The following OSBPL10 variants were observed in gnomAD, a reference collection of about 807,000 sequenced individuals.
OSBPL10 encodes the protein oxysterol-binding protein-related protein 10.
Under a neutral mutation model 81.7 loss-of-function variants are expected in OSBPL10, and 49 were observed. The observed-to-expected ratio is 0.60, with a 90% CI of 0.48 to 0.76. The LOEUF is 0.76. Among genes scored for constraint, OSBPL10 ranks in the 30% least tolerant of loss-of-function variants. The probability of loss-of-function intolerance (pLI) is 0.00; values close to 1 mark genes in which losing one functional copy is unlikely to be tolerated. For synonymous variants in OSBPL10, 419 were observed against 383.6 expected (o/e 1.09, Z -1.08); for missense variants, 923 against 987.8 (o/e 0.93, Z 0.88).
chr3:32,041,112 T>C (rs991778779), intron 2 of OSBPL10, among the ~76,000 whole-genome samples: 1 of 152,118 alleles, frequency 6.6e-6, no homozygotes, highest in Non-Finnish European at 1.5e-5. Context: ...CGGAGCCAGC[T>C]TCCTCCGTGC....
At chr3:31,997,696 G>A (rs1699103894) in intron 2 of OSBPL10, among the ~76,000 whole-genome samples, 1 of 152,038 alleles carries the variant, frequency 6.6e-6, no homozygotes, top group African/African-American at 2.4e-5. Flanking sequence ...GCGAACATCT[G>A]GAGATGGGAG....
chr3:31,939,635 C>A (rs1697481532), intron 1 of OSBPL10, among the ~76,000 whole-genome samples: 1 of 152,088 alleles, frequency 6.6e-6, no homozygotes, highest in Non-Finnish European at 1.5e-5. Flanking sequence ...CCAGCATGGC[C>A]ATAGTGACCA....
intron 1 of OSBPL10, among the ~76,000 whole-genome samples, chr3:31,965,833 T>A (rs1698371451): frequency 1.2e-5 from 1 of 84,230 alleles, no homozygotes; most frequent in Non-Finnish European, 1.9e-5. Flanking sequence ...TATAAATATA[T>A]AATATATATT....
chr3:32,025,024 G>T (rs956980652), intron 2 of OSBPL10, among the ~76,000 whole-genome samples: 1 of 152,124 alleles, frequency 6.6e-6, no homozygotes, highest in Non-Finnish European at 1.5e-5. Flanking sequence ...AGAACCTCCA[G>T]TATATAGCTG....
At chr3:31,747,334 A>G (rs1697556801) in intron 5 of OSBPL10, among the ~76,000 whole-genome samples, 1 of 152,078 alleles carries the variant, frequency 6.6e-6, no homozygotes, top group African/African-American at 2.4e-5. Context: ...AAAAAGTGGG[A>G]GAATTGGCAA....
chr3:31,773,468 G>A (rs1698441266), intron 4 of OSBPL10, among the ~76,000 whole-genome samples: 2 of 152,172 alleles, frequency 1.3e-5, no homozygotes, highest in African/African-American at 4.8e-5. Flanking sequence ...GTTAATAAAT[G>A]TGAATCACTT....
At chr3:32,075,536 CA>C (rs1161966094) in intron 1 of OSBPL10, among the ~76,000 whole-genome samples, 1 of 152,152 alleles carries the variant, frequency 6.6e-6, no homozygotes, top group Non-Finnish European at 1.5e-5. Flanking sequence ...AGGCCATCAC[CA>C]ATAATTCTAT....
intron 4 of OSBPL10, among the ~76,000 whole-genome samples, chr3:31,780,678 C>T (rs913509271): frequency 6.6e-6 from 1 of 152,094 alleles, no homozygotes; most frequent in Non-Finnish European, 1.5e-5. Context: ...CAACTATGAA[C>T]ACCTTTATGT....
chr3:31,679,048 T>C (rs1700568709), intron 8 of OSBPL10, among the ~76,000 whole-genome samples: 5 of 152,054 alleles, frequency 3.3e-5, no homozygotes, highest in Admixed American at 2.6e-4. Context: ...TCTCTGGCTT[T>C]ATCTCCTCTC....
intron 4 of OSBPL10, among the ~76,000 whole-genome samples, chr3:31,793,348 C>T (rs1361564495): frequency 6.6e-6 from 1 of 152,162 alleles, no homozygotes; most frequent in Non-Finnish European, 1.5e-5. Context: ...AATCAAGCAC[C>T]CGTTTGTATG....
At chr3:31,979,377 A>G (rs1698767807) in intron 1 of OSBPL10, among the ~76,000 whole-genome samples, 4 of 152,222 alleles carry the variant, frequency 2.6e-5, no homozygotes, top group Admixed American at 2.6e-4. Flanking sequence ...ATATAGAAAC[A>G]ACTCAGTTTC....
chr3:31,675,802 C>T (rs1006310108), intron 8 of OSBPL10, among the ~76,000 whole-genome samples: 6 of 151,906 alleles, frequency 3.9e-5, no homozygotes, highest in Non-Finnish European at 5.9e-5. Context: ...AAAAATTAGC[C>T]GGGCATGGTG....
At position 31,664,076 on chromosome 3, in the gene OSBPL10, T is replaced by C. The variant is rs1288985521; in HGVS notation, c.2250+3A>G. ...AGGGACCAATGACAGGCGGCAGAGT[T>C]ACCTCCTGGATAAAATATTTGGGCT... On this transcript the variant is annotated splice_donor_region_variant and intron_variant, in intron 11 of 11. Coordinates refer to ENST00000396556, the MANE Select transcript of OSBPL10 (RefSeq NM_017784.5). 1.2e-6 allele frequency: 2 copies of C among 1,613,990 alleles called. No homozygotes were observed. Among genetic ancestry groups the C allele is most frequent in the African/African-American group, 2.7e-5 (2 of 74,902 alleles).
In OSBPL10 at chr3:31,668,697, G is replaced by A. The variant is rs753954620; in HGVS notation, c.2041C>T (p.Pro681Ser). 2.5e-6 allele frequency: 4 copies of A among 1,614,102 alleles called. No homozygotes were observed. Among genetic ancestry groups the A allele is most frequent in the Non-Finnish European group, 3.4e-6 (4 of 1,179,978 alleles). ...GGTCTGATCTTCTTGGGATACACTGGCAGTGTGGTTGTGTCGATGACTTTG... is the reference window on the plus strand; with the variant it reads ...GGTCTGATCTTCTTGGGATACACTGACAGTGTGGTTGTGTCGATGACTTTG... ...ETKVIDTTTLPVYPKKIRPLE... is the reference protein window; with the variant it reads ...ETKVIDTTTLSVYPKKIRPLE... Residue 681 changes from proline (P) to serine (S), a missense_variant, in exon 10 of 12, where the codon CCA (proline) becomes TCA (serine). By Grantham distance (74) the Pro-to-Ser change is moderately conservative. Around this residue, in one of 3 missense-constraint regions of OSBPL10, gnomAD observed 387 missense variants for 436.3 expected, o/e 0.89. Transcript: ENST00000396556.
At chr3:31,874,404 C>G (rs1357445240) in intron 3 of OSBPL10, among the ~76,000 whole-genome samples, 1 of 151,876 alleles carries the variant, frequency 6.6e-6, no homozygotes, top group Non-Finnish European at 1.5e-5. Context: ...AAATATTCTA[C>G]AAAGCAAAAA....
chr3:32,012,961 C>T (rs1000760002), intron 2 of OSBPL10, among the ~76,000 whole-genome samples: 1 of 152,144 alleles, frequency 6.6e-6, no homozygotes, highest in Admixed American at 6.5e-5. Flanking sequence ...TAGAGACCTA[C>T]AAAGAGACTT....
intron 4 of OSBPL10, among the ~76,000 whole-genome samples, chr3:31,754,354 A>G (rs112962380): frequency 0.026 from 3,921 of 152,252 alleles, 81 homozygotes; most frequent in Middle Eastern, 0.037. Flanking sequence ...CATTTCTCTC[A>G]GTAGGGCTAA....
chr3:31,742,604 T>G (rs1697387922), intron 5 of OSBPL10, among the ~76,000 whole-genome samples: 1 of 152,188 alleles, frequency 6.6e-6, no homozygotes, highest in Non-Finnish European at 1.5e-5. Flanking sequence ...TTTTACAGCA[T>G]CTTGCTGTTA....
chr3:31,898,050 A>C (rs1021923894), intron 1 of OSBPL10, among the ~76,000 whole-genome samples: 3 of 148,692 alleles, frequency 2.0e-5, no homozygotes, highest in Admixed American at 2.0e-4. Context: ...GAAGAAGAAG[A>C]GAAAGGAATG....
Sources: gnomAD v4.1 joint callset for allele counts (sites outside exome capture counted in the v4.1 genomes callset) on GRCh38, gnomAD v4.1.1 for gene constraint, gnomAD v4.1.1 regional missense constraint, MANE v1.5 for transcripts, NCBI Gene and HGNC (gene_info 2026-07-23, HGNC 2026-07-21) for gene names.